Variants in CYP3A7 observed in about 807,000 individuals in gnomAD.
CYP3A7 encodes cytochrome P450 3A7.
In CYP3A7, 45 loss-of-function variants were observed where a neutral mutation model predicts 55.2. The ratio of observed to expected loss-of-function variants is 0.82; its 90% CI spans 0.64 to 1.05. The LOEUF (loss-of-function observed/expected upper bound fraction) is 1.05. CYP3A7 is among the 50% of genes least tolerant of loss of function. The pLI is 0.00. For missense variants in CYP3A7, 548 were observed against 605.3 expected (o/e 0.91, Z 0.99); for synonymous variants, 180 against 207.4 (o/e 0.87, Z 1.13).
intron 4 of CYP3A7, among the ~76,000 whole-genome samples, chr7:99,717,937 G>C (rs1814030403): frequency 6.6e-6 from 1 of 152,160 alleles, no homozygotes; most frequent in East Asian, 1.9e-4. Context: ...TGTAGAGAGA[G>C]AGTGGAGACA....
rs1021939083 is a variant in CYP3A7, at chr7:99,725,342, C to T, written c.166-2994G>A. Among the ~76,000 whole-genome samples the T allele has an allele frequency of 2.0e-5, 3 of 152,216 alleles. 1 individual carries two copies. On this transcript the variant is annotated intron_variant, in intron 2 of 12. Coordinates refer to ENST00000336374, the MANE Select transcript of CYP3A7 (RefSeq NM_000765.5). ...GGATTCCAGGCCTCAAACCCCACAA[C>T]AGGACTTAAATAGCCTCACCTTCAA... is the stretch of plus-strand genomic sequence containing the variant.
At chr7:99,734,949 A>G in intron 1 of CYP3A7, 74 bp downstream of exon 1, 5 of 1,607,600 alleles carry the variant, frequency 3.1e-6, no homozygotes, top group South Asian at 1.1e-5. Context: ...TTCAAAACAG[A>G]TAAGGGAAAG....
In CYP3A7 at chr7:99,705,572, T is replaced by C; in HGVS notation, c.1440A>G (p.Gly480=). The C allele has an allele frequency of 6.2e-7, 1 of 1,613,664 alleles. No individual in the cohort carries two copies. Among genetic ancestry groups the C allele is most frequent in the South Asian group, 1.1e-5 (1 of 91,084 alleles). Residue 480 remains glycine, a synonymous_variant, in exon 13 of 13, where the codon GGA becomes GGG. Coordinates refer to ENST00000336374, the MANE Select transcript of CYP3A7 (RefSeq NM_000765.5). ...TGGGTTTTTCTGTTAGAAGAAGTCC[T>C]CCAAAGCGTAATTTCAGGGGGATCT... ...ETQIPLKLRF[G]GLLLTEKPIV...
chr7:99,720,231 ACTGT>A, intron 4 of CYP3A7, 78 bp downstream of exon 4: 2 of 1,549,730 alleles, frequency 1.3e-6, no homozygotes, highest in Non-Finnish European at 1.8e-6. Context: ...TTTTTAGGCA[ACTGT>A]CTATGAATAT....
chr7:99,709,392 T>A (rs1240916253), intron 10 of CYP3A7, 131 bp from the exon 11 acceptor site: 1 of 1,373,778 alleles, frequency 7.3e-7, no homozygotes, highest in Middle Eastern at 1.9e-4. Flanking sequence ...GTAGCATTCA[T>A]AAAGTATTTT....
intron 12 of CYP3A7, among the ~76,000 whole-genome samples, chr7:99,707,376 A>G (rs1356804631): frequency 2.6e-5 from 4 of 152,222 alleles, no homozygotes; most frequent in Non-Finnish European, 5.9e-5. Flanking sequence ...ATGAATTTTT[A>G]AAGCTCCCTG....
At chr7:99,734,238 A>G (rs1437498488) in intron 1 of CYP3A7, among the ~76,000 whole-genome samples, 2 of 152,188 alleles carry the variant, frequency 1.3e-5, no homozygotes, top group East Asian at 3.8e-4. Context: ...ATGATTCCTT[A>G]CTCTTAATAA....
rs377206089 is a variant in CYP3A7, at chr7:99,710,835, T to G, written c.923A>C (p.Glu308Ala). ...GAAGGAGAGAACACTGCTCGTGGTT[T>G]CATAGCCAGCAAAAATAAAGATAAT... ...QSIIFIFAGY[E>A]TTSSVLSFII... The change falls in exon 10 of 13, where the codon GAA (glutamate) becomes GCA (alanine). Residue 308 changes from glutamate (E) to alanine (A), a missense_variant. Transcript: ENST00000336374. 8.1e-6 allele frequency: 13 copies of G among 1,613,864 alleles called. No homozygotes were observed. Among genetic ancestry groups the G allele is most frequent in the Non-Finnish European group, 1.0e-5 (12 of 1,179,858 alleles).
chr7:99,734,964 G>T (rs529230054), intron 1 of CYP3A7, 59 bp downstream of exon 1: 6 of 1,610,380 alleles, frequency 3.7e-6, no homozygotes, highest in Non-Finnish European at 4.2e-6. Context: ...GGAAAGAGAG[G>T]CCTGATTAGC....
chr7:99,724,336 G>A (rs532694733), intron 2 of CYP3A7, among the ~76,000 whole-genome samples: 4 of 152,200 alleles, frequency 2.6e-5, no homozygotes, highest in South Asian at 2.1e-4. Flanking sequence ...TTGATTTCTC[G>A]ATCTTATAAG....
intron 10 of CYP3A7, 48 bp from the exon 11 acceptor site, chr7:99,709,309 C>G: frequency 6.3e-7 from 1 of 1,589,904 alleles, no homozygotes; most frequent in Non-Finnish European, 8.6e-7. Flanking sequence ...TTTGAATTAA[C>G]TTTTAACTCA....
In CYP3A7 at chr7:99,705,253, A is replaced by T. The variant is rs769361752; in HGVS notation, c.*247T>A. On this transcript the variant is annotated 3_prime_UTR_variant, in exon 13 of 13. Coordinates refer to ENST00000336374, the MANE Select transcript of CYP3A7 (RefSeq NM_000765.5). ...AACTGGGGGTGGTGGAGATAGTCCT[A>T]TGAGAAGCAGAGAAGCCAAATCTAC... 5.2e-5 allele frequency: 22 copies of T among 425,174 alleles called. No individual in the cohort carries two copies. In the Admixed American group the frequency reaches 8.3e-4, roughly 16 times the overall value. 26.3% of individuals were successfully genotyped at this position (425,174 alleles called of 1,614,324 possible).
At chr7:99,724,714 A>G (rs1814341368) in intron 2 of CYP3A7, among the ~76,000 whole-genome samples, 1 of 151,980 alleles carries the variant, frequency 6.6e-6, no homozygotes, top group Non-Finnish European at 1.5e-5. Context: ...CCTGCCCAAC[A>G]ATTTTCTCTT....
At chr7:99,719,604 A>AT in intron 4 of CYP3A7, among the ~76,000 whole-genome samples, 1 of 152,036 alleles carries the variant, frequency 6.6e-6, no homozygotes, top group East Asian at 1.9e-4. Context: ...CCATAAAAAA[A>AT]TATTAATACA....
intron 2 of CYP3A7, among the ~76,000 whole-genome samples, chr7:99,723,141 GTGGTGGGTTTCAGGCCTCTTAGCCCAA>G (rs1432800161): frequency 1.3e-5 from 2 of 152,176 alleles, no homozygotes; most frequent in African/African-American, 2.4e-5. Flanking sequence ...ACATGGGAAA[GTGGTGGGTTTCAGGCCTCTTAGCCCAA>G]GCCTGCATGG....
At chr7:99,715,555 T>A in intron 7 of CYP3A7, 1 of 868,484 alleles carries the variant, frequency 1.2e-6, no homozygotes, top group Non-Finnish European at 1.7e-6. Context: ...TGGCAGGGGG[T>A]TGATAGCTAA....
intron 2 of CYP3A7, among the ~76,000 whole-genome samples, chr7:99,727,061 A>G (rs117725195): frequency 1.3e-3 from 197 of 152,310 alleles, no homozygotes; most frequent in Non-Finnish European, 2.3e-3. Context: ...CTGACCCCAT[A>G]AGTCCTAAAT....
At chr7:99,722,816 A>G (rs1000472813) in intron 2 of CYP3A7, among the ~76,000 whole-genome samples, 2 of 152,170 alleles carry the variant, frequency 1.3e-5, no homozygotes, top group African/African-American at 2.4e-5. Context: ...GCAGAATTAG[A>G]AAGTTACAGA....
rs1443275450 is a variant in CYP3A7 at position 99,717,199 on chromosome 7, C to T, written c.499G>A (p.Gly167Ser). ...VRNLRREAET[G>S]KPVTLKHVFG... is the part of the protein sequence containing the mutation. ...TACTGTTTCAAGGTGACAGGCTTGC[C>T]TGTCTCTGCTTCCCGCCTCAGATTT... The change falls in exon 6 of 13, where the codon GGC (glycine) becomes AGC (serine). Residue 167 changes from glycine to serine, a missense_variant. By Grantham distance (56) the Gly-to-Ser change is moderately conservative. Transcript: ENST00000336374. 1.9e-6 allele frequency: 3 copies of T among 1,613,824 alleles called. No homozygotes were observed. The highest frequency in any genetic ancestry group is 2.5e-6 in the Non-Finnish European group (3 of 1,179,848).
Sources: gnomAD v4.1 joint callset for allele counts (sites outside exome capture counted in the v4.1 genomes callset) on GRCh38, gnomAD v4.1.1 for gene constraint, MANE v1.5 for transcripts, NCBI Gene and HGNC (gene_info 2026-07-23, HGNC 2026-07-21) for gene names.